RBFOX1: variants seen among roughly 807,000 people sequenced by gnomAD.
RBFOX1 encodes RNA binding fox-1 homolog 1, also known as RNA binding protein fox-1 homolog 1.
In RBFOX1, 8 loss-of-function variants were observed where a neutral mutation model predicts 57.7. That is an observed-to-expected ratio of 0.14 (90% confidence interval 0.08 to 0.25). The LOEUF (loss-of-function observed/expected upper bound fraction) is 0.25. Ranked by LOEUF, RBFOX1 falls within the 10% of genes least tolerant of loss-of-function variation. The probability of loss-of-function intolerance (pLI) is 1.00; values close to 1 mark genes in which losing one functional copy is unlikely to be tolerated. For synonymous variants in RBFOX1, 326 were observed against 222.4 expected (o/e 1.47, Z -4.15); for missense variants, 611 against 548.5 (o/e 1.11, Z -1.14).
chr16:6,614,663 C>A (rs1422223475), intron 2 of RBFOX1, among the ~76,000 whole-genome samples: 1 of 152,152 alleles, frequency 6.6e-6, no homozygotes, highest in Non-Finnish European at 1.5e-5. Context: ...TTCCTTACTC[C>A]TAGTGATTTG....
intron 1 of RBFOX1, among the ~76,000 whole-genome samples, chr16:5,303,775 T>C (rs939181501): frequency 2.6e-5 from 4 of 152,066 alleles, no homozygotes; most frequent in Non-Finnish European, 5.9e-5. Context: ...CCTGGACTCC[T>C]TTGAAAATTC....
intron 1 of RBFOX1, among the ~76,000 whole-genome samples, chr16:5,363,665 C>T (rs575103188): frequency 3.2e-4 from 48 of 152,272 alleles, no homozygotes; most frequent in African/African-American, 1.1e-3. Flanking sequence ...CCTTCTTGCA[C>T]ACTTTGGAAA....
At chr16:7,648,309 A>G (rs562763736) in intron 11 of RBFOX1, among the ~76,000 whole-genome samples, 202 of 151,986 alleles carry the variant, frequency 1.3e-3, no homozygotes, top group Non-Finnish European at 2.3e-3. Context: ...AACCTCCTCT[A>G]CCTCTCCTGG....
At chr16:6,322,309 C>A (rs527818281) in intron 2 of RBFOX1, among the ~76,000 whole-genome samples, 1 of 152,300 alleles carries the variant, frequency 6.6e-6, no homozygotes, top group South Asian at 2.1e-4. Flanking sequence ...TAAGCTCATC[C>A]TTACCTAACA....
At chr16:6,566,436 T>C (rs2097266970) in intron 2 of RBFOX1, among the ~76,000 whole-genome samples, 1 of 152,198 alleles carries the variant, frequency 6.6e-6, no homozygotes, top group South Asian at 2.1e-4. Flanking sequence ...TGATTTTTTT[T>C]TTCTTCTCTT....
intron 1 of RBFOX1, among the ~76,000 whole-genome samples, chr16:6,182,952 A>G (rs1261917932): frequency 6.6e-6 from 1 of 152,198 alleles, no homozygotes; most frequent in African/African-American, 2.4e-5. Flanking sequence ...CTAATTTAGT[A>G]GTATGGGGCG....
chr16:7,428,764 C>T (rs559853204), intron 4 of RBFOX1, among the ~76,000 whole-genome samples: 1 of 151,982 alleles, frequency 6.6e-6, no homozygotes, highest in Admixed American at 6.6e-5. Context: ...ATTTTTCTTT[C>T]TTTCTCTTTT....
intron 3 of RBFOX1, among the ~76,000 whole-genome samples, chr16:5,863,380 C>G (rs1281824690): frequency 6.6e-6 from 1 of 152,278 alleles, no homozygotes; most frequent in East Asian, 1.9e-4. Flanking sequence ...CATATCAGCC[C>G]CCCACTGCAG....
rs143396371 is a variant in RBFOX1 at position 5,657,916 on chromosome 16, G to C, written c.318+58955G>C. On this transcript the variant is annotated intron_variant, in intron 3 of 19. Transcript: ENST00000641259. ...CAGGCTAATTTTTGTATTTTTAGTA[G>C]AGACGAGGTTTCGCCACCTTGGCCA... Among the ~76,000 whole-genome samples the C allele has an allele frequency of 9.8e-3, 1,481 of 151,700 alleles. 23 individuals are homozygous for C. Among genetic ancestry groups the C allele is most frequent in the African/African-American group, 0.034 (1,413 of 41,348 alleles).
At chr16:5,527,360 A>G (rs2044288007) in intron 2 of RBFOX1, among the ~76,000 whole-genome samples, 1 of 152,202 alleles carries the variant, frequency 6.6e-6, no homozygotes. Flanking sequence ...CCTCCCCCAT[A>G]CAGCGTCCTC....
intron 2 of RBFOX1, among the ~76,000 whole-genome samples, chr16:6,627,046 A>T (rs1281570774): frequency 6.6e-6 from 1 of 152,222 alleles, no homozygotes; most frequent in Non-Finnish European, 1.5e-5. Flanking sequence ...CTGCCTTCTG[A>T]AAGAACCAGG....
At chr16:7,423,306 C>T (rs186010715) in intron 4 of RBFOX1, among the ~76,000 whole-genome samples, 8 of 151,944 alleles carry the variant, frequency 5.3e-5, no homozygotes, top group Non-Finnish European at 1.2e-4. Context: ...TAGGTATTTT[C>T]TCACCAGTTC....
At chr16:6,000,798 T>G in intron 4 of RBFOX1, among the ~76,000 whole-genome samples, 1 of 133,602 alleles carries the variant, frequency 7.5e-6, no homozygotes, top group African/African-American at 2.8e-5. Context: ...AATAGGTAGA[T>G]GGTTAGGTGG....
At chr16:6,492,077 T>C (rs772781162) in intron 2 of RBFOX1, among the ~76,000 whole-genome samples, 2 of 151,998 alleles carry the variant, frequency 1.3e-5, no homozygotes, top group Non-Finnish European at 2.9e-5. Context: ...GACATGAATA[T>C]AGGTTTTGGA....
intron 2 of RBFOX1, among the ~76,000 whole-genome samples, chr16:6,566,553 T>A (rs1453991535): frequency 6.6e-6 from 1 of 152,204 alleles, no homozygotes; most frequent in African/African-American, 2.4e-5. Flanking sequence ...ATCCCTTGAC[T>A]ATTTGTCGAG....
chr16:7,708,876 C>T (rs1269290167), intron 14 of RBFOX1, among the ~76,000 whole-genome samples, 180 bp from the exon 15 acceptor site: 1 of 152,040 alleles, frequency 6.6e-6, no homozygotes, highest in Non-Finnish European at 1.5e-5. Flanking sequence ...ATGTTAAATG[C>T]ACAAAAAATG....
intron 3 of RBFOX1, among the ~76,000 whole-genome samples, chr16:6,676,057 G>T (rs1460038013): frequency 2.0e-5 from 3 of 151,748 alleles, no homozygotes; most frequent in African/African-American, 7.3e-5. Context: ...AAAACTGAAG[G>T]GAAGTCAACA....
At chr16:5,517,047 G>T (rs184327090) in intron 2 of RBFOX1, among the ~76,000 whole-genome samples, 7 of 151,274 alleles carry the variant, frequency 4.6e-5, no homozygotes, top group African/African-American at 1.7e-4. Context: ...GGTGCATACA[G>T]GTTCATAAAA....
chr16:6,747,445 A>AGTCTGTCTGTCT (rs367859716), intron 3 of RBFOX1, among the ~76,000 whole-genome samples: 5,290 of 83,256 alleles, frequency 0.064, 132 homozygotes, highest in Middle Eastern at 0.12. Context: ...TCAGTCAGTT[A>AGTCTGTCTGTCT]GTCTGTCTGT....
Sources: gnomAD v4.1 joint callset for allele counts (sites outside exome capture counted in the v4.1 genomes callset) on GRCh38, gnomAD v4.1.1 for gene constraint, MANE v1.5 for transcripts, NCBI Gene and HGNC (gene_info 2026-07-23, HGNC 2026-07-21) for gene names.